Variants in KANTR observed in about 807,000 individuals in gnomAD.
KANTR encodes KDM5C adjacent transcript.
chrX:53,138,994 C>T (rs1386506798), intron 2 of KANTR, among the ~76,000 whole-genome samples: 2 of 110,004 alleles, frequency 1.8e-5, no homozygotes, highest in Non-Finnish European at 3.8e-5. Context: ...GTGGGCGGAT[C>T]ACTTGAGGTC....
At chrX:53,138,952 C>T (rs1339299117) in intron 2 of KANTR, among the ~76,000 whole-genome samples, 5 of 110,588 alleles carry the variant, frequency 4.5e-5, no homozygotes, top group East Asian at 2.8e-4. Context: ...AGTGTCTCAA[C>T]GCCTGTAATC....
At chrX:53,131,143 C>CA (rs1268544281), downstream of KANTR, among the ~76,000 whole-genome samples, 9 of 110,131 alleles carry the variant, frequency 8.2e-5, no homozygotes, top group Middle Eastern at 4.6e-3. Flanking sequence ...ATTGACCACA[C>CA]AAAAAAAATG....
At chrX:53,131,335 A>T (rs139129396), downstream of KANTR, among the ~76,000 whole-genome samples, 1,131 of 111,422 alleles carry the variant, frequency 0.01, 15 homozygotes, top group African/African-American at 0.035. Flanking sequence ...TAGTATTAAA[A>T]TGGAAAGTTC....
rs1335493632 is a variant in KANTR at position 53,115,180 on chromosome X, C to T, written c.-804-8289C>T. ...CCTGGTGTCGGGGCAGGCCTGCGGC[C>T]TAGGGCTGTGTAGGTCAACCTGGTT... On this transcript the variant is annotated intron_variant, in intron 2 of 2. Transcript: ENST00000604062. Among the ~76,000 whole-genome samples the T allele has an allele frequency of 2.7e-5, 3 of 112,481 alleles. No individual in the cohort carries two copies. The Admixed American group carries it at 2.8e-4, about 10-fold the overall frequency.
chrX:53,114,948 G>T (rs1223397654), intron 2 of KANTR, among the ~76,000 whole-genome samples: 4 of 109,058 alleles, frequency 3.7e-5, no homozygotes, highest in Non-Finnish European at 7.7e-5. Context: ...GAACTGTGTG[G>T]TGCTGGGGCC....
At chrX:53,130,177 T>G (rs782105475), downstream of KANTR, among the ~76,000 whole-genome samples, 18 of 112,415 alleles carry the variant, frequency 1.6e-4, no homozygotes, top group Middle Eastern at 4.6e-3. Context: ...CTACATAATT[T>G]TTGTTTCCAA....
chrX:53,106,676 A>G (rs1932957611), intron 2 of KANTR, among the ~76,000 whole-genome samples: 1 of 110,814 alleles, frequency 9.0e-6, no homozygotes, highest in Non-Finnish European at 1.9e-5. Context: ...TGCTGGGATT[A>G]CAGACATACT....
At chrX:53,127,961 T>C (rs782117541), downstream of KANTR, among the ~76,000 whole-genome samples, 169 of 111,187 alleles carry the variant, frequency 1.5e-3, no homozygotes, top group Non-Finnish European at 2.7e-3. Flanking sequence ...GTTATTATAA[T>C]GGGAGATACC....
At chrX:53,097,155 G>GC (rs1351109735) in intron 1 of KANTR, among the ~76,000 whole-genome samples, 1 of 109,788 alleles carries the variant, frequency 9.1e-6, no homozygotes, top group Non-Finnish European at 1.9e-5. Context: ...TAATTGTCCA[G>GC]CCCCCACCTC....
chrX:53,136,731 T>TATATATATA (rs1491428007), intron 2 of KANTR, among the ~76,000 whole-genome samples: 38 of 50,012 alleles, frequency 7.6e-4, no homozygotes, highest in Non-Finnish European at 1.3e-3. Flanking sequence ...TATATATATA[T>TATATATATA]TTTGTTTGTT....
chrX:53,105,079 T>C (rs781871622), intron 2 of KANTR, among the ~76,000 whole-genome samples: 2 of 110,439 alleles, frequency 1.8e-5, no homozygotes, highest in Admixed American at 1.9e-4. Flanking sequence ...GAGATGGGGT[T>C]TTGCCATGTT....
At chrX:53,142,771 G>GGGCC (rs782506070), downstream of KANTR, 3 of 458,878 alleles carry the variant, frequency 6.5e-6, no homozygotes, top group Admixed American at 5.1e-5. Flanking sequence ...GACAATGGAG[G>GGGCC]GGCCAGACTC....
At chrX:53,106,853 C>T (rs1932959439) in intron 2 of KANTR, among the ~76,000 whole-genome samples, 1 of 110,343 alleles carries the variant, frequency 9.1e-6, no homozygotes, top group Non-Finnish European at 1.9e-5. Context: ...CATAGTGACA[C>T]CCATCTGTAG....
intron 3 of KANTR, among the ~76,000 whole-genome samples, chrX:53,147,818 C>G (rs1485344098): frequency 1.8e-5 from 2 of 111,525 alleles, no homozygotes; most frequent in Non-Finnish European, 1.9e-5. Flanking sequence ...GAAACTCACT[C>G]AAAACCGCTC....
chrX:53,113,133 G>T, intron 2 of KANTR: 1 of 274,525 alleles, frequency 3.6e-6, no homozygotes. Context: ...TGTCATTTGC[G>T]GGGATAGCAG....
chrX:53,124,443 T>A (rs1256163615), exon 3 of KANTR: 1 of 295,090 alleles, frequency 3.4e-6, no homozygotes, highest in Admixed American at 6.2e-5. Context: ...TTTCTGCTCT[T>A]ATCTTTTTTG....
At position 53,117,613 on chromosome X, in the gene KANTR, T is replaced by TG. The variant is rs1569237424; in HGVS notation, c.-804-5856_-804-5855insG. On this transcript the variant is annotated intron_variant, in intron 2 of 2. Coordinates refer to ENST00000604062, the Ensembl canonical transcript of KANTR. ...ACTGTGTGTGTGTGTGTGTGTGTTT[T>TG]TTTTTTTTTTTTTTTTTTTTTGAGA... Among the ~76,000 whole-genome samples, 203 of 24,156 alleles carry TG rather than the reference T, an allele frequency of 8.4e-3. 1 individual carries two copies. The highest frequency in any genetic ancestry group is 0.019 in the African/African-American group (183 of 9,867). 21.0% of individuals were successfully genotyped at this position (24,156 alleles called of 115,157 possible).
intron 2 of KANTR, among the ~76,000 whole-genome samples, chrX:53,102,268 A>G (rs1932901096): frequency 1.8e-5 from 2 of 111,821 alleles, no homozygotes; most frequent in African/African-American, 3.3e-5. Context: ...GTTTATTTAG[A>G]TTACATCAGT....
intron 2 of KANTR, among the ~76,000 whole-genome samples, chrX:53,103,548 A>G (rs1389590361): frequency 1.8e-5 from 2 of 110,449 alleles, no homozygotes; most frequent in Non-Finnish European, 3.8e-5. Context: ...GCCCTCTGCC[A>G]CTTCAGCGTA....
Sources: allele counts gnomAD v4.1 joint callset (sites outside exome capture counted in the v4.1 genomes callset), GRCh38; gene constraint gnomAD v4.1.1; transcripts MANE v1.5; gene names NCBI Gene and HGNC (gene_info 2026-07-23, HGNC 2026-07-21).